The following TXLNB variants were observed in gnomAD, a reference collection of about 807,000 sequenced individuals.
The protein encoded by TXLNB is beta-taxilin.
Under a neutral mutation model 57.4 loss-of-function variants are expected in TXLNB, and 37 were observed. The observed-to-expected ratio is 0.64, with a 90% CI of 0.50 to 0.85. The LOEUF is 0.85. Among genes scored for constraint, TXLNB ranks in the 40% least tolerant of loss-of-function variants. The pLI is 0.00. For missense variants in TXLNB, 848 were observed against 825.6 expected (o/e 1.03, Z -0.33); for synonymous variants, 302 against 309.6 (o/e 0.98, Z 0.26).
chr6:139,235,297 C>T (rs1775824231), downstream of TXLNB, among the ~76,000 whole-genome samples: 1 of 152,162 alleles, frequency 6.6e-6, no homozygotes, highest in Non-Finnish European at 1.5e-5. Flanking sequence ...CCTATACCCC[C>T]ATTTTGTCTA....
chr6:139,176,907 G>T, the TXLNB span: 1 of 851,542 alleles, frequency 1.2e-6, no homozygotes. The surrounding 1 kb of genome is among the most constrained non-coding windows in gnomAD (Gnocchi z 4.5). Context: ...GGAAGTGGAG[G>T]GGTGTTGTGG....
At chr6:139,211,071 A>T in the TXLNB span, among the ~76,000 whole-genome samples, 1 of 152,228 alleles carries the variant, frequency 6.6e-6, no homozygotes, top group Non-Finnish European at 1.5e-5. Context: ...ACAGACAAAC[A>T]AGAGACAGCA....
At chr6:139,288,350 G>T in intron 2 of TXLNB, 126 bp downstream of exon 2, 1 of 935,470 alleles carries the variant, frequency 1.1e-6, no homozygotes, top group African/African-American at 1.7e-5. Flanking sequence ...ATACAACAAG[G>T]GAAAATATAG....
At chr6:139,297,624 C>T in the TXLNB span, among the ~76,000 whole-genome samples, 2 of 152,014 alleles carry the variant, frequency 1.3e-5, no homozygotes, top group African/African-American at 4.8e-5. Flanking sequence ...ATTTTAATTT[C>T]TTTAGTTTCA....
the TXLNB span, among the ~76,000 whole-genome samples, chr6:139,232,766 T>C: frequency 6.6e-6 from 1 of 152,244 alleles, no homozygotes; most frequent in East Asian, 1.9e-4. Context: ...TGATTTATGG[T>C]ATTATCATCT....
In TXLNB at chr6:139,248,453, G is replaced by A. The variant is rs570428653; in HGVS notation, c.1078-544C>T. 2.7e-5 allele frequency among the ~76,000 whole-genome samples: 4 copies of A among 150,720 alleles called. No homozygotes were observed. The South Asian group carries it at 6.3e-4, about 24-fold the overall frequency. On this transcript the variant is annotated intron_variant, in intron 7 of 9. Transcript: ENST00000358430. ...AGGGGTTGCAGTGAGCAGAGATCAC[G>A]CCATTACACTCCATCCTGGGCAACA...
chr6:139,260,387 A>T lies in TXLNB; in HGVS notation c.933T>A (p.Asp311Glu), dbSNP rs1776450696. The T allele has an allele frequency of 1.2e-6, 2 of 1,614,128 alleles. No individual in the cohort carries two copies. The highest frequency in any genetic ancestry group is 1.7e-6 in the Non-Finnish European group (2 of 1,180,026). The change falls in exon 6 of 10, where the codon GAT (aspartate) becomes GAA (glutamate). Residue 311 changes from aspartate (D) to glutamate (E), a missense_variant. Transcript: ENST00000358430. ...TTTCTTGGGCCTGCTCAAGCTTTGC[A>T]TCCACCAGCTTCTGCTGCAGTTCTC... ...KHRELQQKLV[D>E]AKLEQAQEMM...
At chr6:139,264,952 T>A (rs893620472) in intron 4 of TXLNB, among the ~76,000 whole-genome samples, 2 of 152,188 alleles carry the variant, frequency 1.3e-5, no homozygotes, top group Non-Finnish European at 2.9e-5. Context: ...ATTTGGACAG[T>A]GTCTGAGATA....
At chr6:139,213,978 A>G in the TXLNB span, among the ~76,000 whole-genome samples, 11 of 152,230 alleles carry the variant, frequency 7.2e-5, no homozygotes, top group Non-Finnish European at 1.2e-4. Flanking sequence ...AAATTGAGGC[A>G]ATAATTAATA....
At chr6:139,308,822 A>G in the TXLNB span, among the ~76,000 whole-genome samples, 1 of 152,220 alleles carries the variant, frequency 6.6e-6, no homozygotes, top group Admixed American at 6.5e-5. Context: ...GCAAGTTTTT[A>G]CCATAAAGGA....
chr6:139,180,336 G>T, the TXLNB span: 8 of 152,716 alleles, frequency 5.2e-5, no homozygotes, highest in African/African-American at 1.9e-4. Context: ...TAAGTCTTTT[G>T]TTTAGTCCTG....
At chr6:139,228,242 G>A in the TXLNB span, among the ~76,000 whole-genome samples, 127 of 152,168 alleles carry the variant, frequency 8.3e-4, no homozygotes, top group African/African-American at 2.9e-3. Flanking sequence ...TAGGCTGGGC[G>A]CAGTGGCTCA....
chr6:139,311,411 C>T, the TXLNB span, among the ~76,000 whole-genome samples: 5 of 148,414 alleles, frequency 3.4e-5, no homozygotes, highest in Non-Finnish European at 5.9e-5. Context: ...GAACGCAGGA[C>T]AGGTGCTGCA....
chr6:139,270,694 G>T, intron 3 of TXLNB, 68 bp from the exon 4 acceptor site: 1 of 1,408,434 alleles, frequency 7.1e-7, no homozygotes, highest in Non-Finnish European at 9.9e-7. Context: ...TAGAAAAAAA[G>T]CAAACCTAAA....
chr6:139,190,239 G>A, the TXLNB span, among the ~76,000 whole-genome samples: 1 of 151,772 alleles, frequency 6.6e-6, no homozygotes, highest in Non-Finnish European at 1.5e-5. Flanking sequence ...AGTTGTAGAG[G>A]TTGGGGAGTC....
chr6:139,235,603 G>A (rs1775827237), downstream of TXLNB, among the ~76,000 whole-genome samples: 2 of 152,082 alleles, frequency 1.3e-5, no homozygotes, highest in South Asian at 4.2e-4. Flanking sequence ...TCACAGGGGT[G>A]GTTTCCCCCA....
the TXLNB span, among the ~76,000 whole-genome samples, chr6:139,233,330 G>C: frequency 6.8e-6 from 1 of 147,608 alleles, no homozygotes; most frequent in South Asian, 2.1e-4. Context: ...ATTTTTATAA[G>C]AGACTGCCTT....
At chr6:139,314,128 T>G in the TXLNB span, among the ~76,000 whole-genome samples, 62,638 of 152,090 alleles carry the variant, frequency 0.41, 13,172 homozygotes, top group Middle Eastern at 0.46. Context: ...TATTTTGAAA[T>G]AGCCCTGCAA....
chr6:139,188,020 T>C, the TXLNB span, among the ~76,000 whole-genome samples: 1 of 152,324 alleles, frequency 6.6e-6, no homozygotes, highest in East Asian at 1.9e-4. Flanking sequence ...TCAACACTTA[T>C]TTTACCGATG....
Sources: gnomAD v4.1 joint callset for allele counts (sites outside exome capture counted in the v4.1 genomes callset) on GRCh38, gnomAD v4.1.1 for gene constraint, Gnocchi (gnomAD v3.1) non-coding constraint, MANE v1.5 for transcripts, NCBI Gene and HGNC (gene_info 2026-07-23, HGNC 2026-07-21) for gene names.